The following TTC1 variants were observed in gnomAD, a reference collection of about 807,000 sequenced individuals.
TTC1 encodes tetratricopeptide repeat domain 1.
TTC1 carries 31 observed loss-of-function variants against 37.6 expected under a neutral mutation model. The ratio of observed to expected loss-of-function variants is 0.82; its 90% CI spans 0.62 to 1.11. The LOEUF (loss-of-function observed/expected upper bound fraction) is 1.11. Ranked by LOEUF, TTC1 falls within the 50% of genes most tolerant of loss-of-function variation. The pLI is 0.00. For missense variants in TTC1, 351 were observed against 339.0 expected (o/e 1.04, Z -0.28); for synonymous variants, 127 against 122.4 (o/e 1.04, Z -0.25).
At chr5:160,056,422 A>G (rs1158890125) in intron 7 of TTC1, among the ~76,000 whole-genome samples, 1 of 152,202 alleles carries the variant, frequency 6.6e-6, no homozygotes, top group Non-Finnish European at 1.5e-5. Flanking sequence ...TACCATCTGG[A>G]GCTTGGCATG....
chr5:160,052,214 T>G (rs957509765), intron 7 of TTC1, among the ~76,000 whole-genome samples: 28 of 152,220 alleles, frequency 1.8e-4, no homozygotes, highest in Admixed American at 6.5e-4. Flanking sequence ...ATTTACATAT[T>G]TAATTAAACT....
intron 5 of TTC1, among the ~76,000 whole-genome samples, chr5:160,043,542 G>A (rs190416658): frequency 2.6e-5 from 4 of 152,252 alleles, no homozygotes; most frequent in East Asian, 1.9e-4. Context: ...GTGGTGAGCC[G>A]TGATTATGCC....
At chr5:160,029,745 T>C (rs1276398066) in intron 2 of TTC1, among the ~76,000 whole-genome samples, 1 of 152,118 alleles carries the variant, frequency 6.6e-6, no homozygotes, top group African/African-American at 2.4e-5. Context: ...AAGTACAGAA[T>C]ACTACACCTG....
chr5:160,014,542 G>T (rs992756673), intron 2 of TTC1, among the ~76,000 whole-genome samples: 8 of 150,534 alleles, frequency 5.3e-5, no homozygotes, highest in Non-Finnish European at 8.9e-5. Flanking sequence ...TTTTTAAAAA[G>T]CCTTTAAAAA....
intron 3 of TTC1, among the ~76,000 whole-genome samples, chr5:160,035,502 T>G (rs1404461586): frequency 6.6e-6 from 1 of 152,236 alleles, no homozygotes; most frequent in Non-Finnish European, 1.5e-5. Flanking sequence ...ACCTGGAATA[T>G]TAAAGGTTAT....
chr5:160,036,686 C>T lies in TTC1; in HGVS notation c.392-5C>T. 2 of 1,596,350 alleles carry T rather than the reference C, an allele frequency of 1.3e-6. No homozygotes were observed. Among genetic ancestry groups the T allele is most frequent in the Non-Finnish European group, 1.7e-6 (2 of 1,164,066 alleles). ...ATGACCATTCATCCTTTCTCTTATCCTCAGATTATATAGAAGCTGAAAGTT... is the reference window on the plus strand; with the variant it reads ...ATGACCATTCATCCTTTCTCTTATCTTCAGATTATATAGAAGCTGAAAGTT... On this transcript the variant is annotated splice_region_variant and splice_polypyrimidine_tract_variant and intron_variant, in intron 3 of 7. Transcript: ENST00000231238.
At chr5:160,038,305 C>A (rs543277777) in intron 4 of TTC1, among the ~76,000 whole-genome samples, 1 of 152,316 alleles carries the variant, frequency 6.6e-6, no homozygotes, top group East Asian at 1.9e-4. Flanking sequence ...TTTACACTTA[C>A]CTGGAAAATT....
At chr5:160,056,511 T>C (rs1757551133) in intron 7 of TTC1, among the ~76,000 whole-genome samples, 1 of 152,042 alleles carries the variant, frequency 6.6e-6, no homozygotes, top group African/African-American at 2.4e-5. Flanking sequence ...AAGACTGCAG[T>C]TGAAGAGTTC....
At position 160,010,575 on chromosome 5, in the gene TTC1, A is replaced by G. The variant is rs1278793184; in HGVS notation, c.47A>G (p.Asn16Ser). The change falls in exon 2 of 8, where the codon AAT becomes AGT. Residue 16 changes from asparagine to serine, a missense_variant. Physicochemically the swap from Asn to Ser is conservative, Grantham distance 46. Coordinates refer to ENST00000231238, the MANE Select transcript of TTC1 (RefSeq NM_003314.3). ...ENCGVPEDLL[N>S]GLKVTDTQEA... ...TGTGGGGTTCCAGAGGATCTGTTAAATGGTTTGAAGGTTACAGATACTCAG... is the reference window on the plus strand; with the variant it reads ...TGTGGGGTTCCAGAGGATCTGTTAAGTGGTTTGAAGGTTACAGATACTCAG... 3.1e-6 allele frequency: 5 copies of G among 1,613,978 alleles called. No individual in the cohort carries two copies. Among genetic ancestry groups the G allele is most frequent in the Non-Finnish European group, 4.2e-6 (5 of 1,180,020 alleles).
chr5:160,047,256 A>C lies in TTC1; in HGVS notation c.542-2258A>C, dbSNP rs188606308. On this transcript the variant is annotated intron_variant, in intron 5 of 7. Coordinates refer to ENST00000231238, the MANE Select transcript of TTC1 (RefSeq NM_003314.3). ...CTCAGATTTAACGTGCCCAGCCCCC[A>C]CACACACACAAAACTTGCAGTTAGT... 6.6e-3 allele frequency among the ~76,000 whole-genome samples: 1,002 copies of C among 151,996 alleles called. 16 individuals carry two copies. The highest frequency in any genetic ancestry group is 0.022 in the African/African-American group (923 of 41,466).
chr5:160,049,472 C>A, intron 5 of TTC1, 42 bp from the exon 6 acceptor site: 1 of 1,514,482 alleles, frequency 6.6e-7, no homozygotes, highest in Admixed American at 2.2e-5. Context: ...ATATGTAGGC[C>A]ATTTTTCTTT....
chr5:160,040,858 C>T (rs1320046995), intron 4 of TTC1, among the ~76,000 whole-genome samples: 1 of 151,970 alleles, frequency 6.6e-6, no homozygotes, highest in Non-Finnish European at 1.5e-5. Context: ...GGTCCTCCTG[C>T]TTTAGCCTCC....
chr5:160,061,101 A>T (rs1753375302), intron 7 of TTC1, among the ~76,000 whole-genome samples: 1 of 152,236 alleles, frequency 6.6e-6, no homozygotes, highest in Non-Finnish European at 1.5e-5. Context: ...GGCTCAGGAC[A>T]GCCTGGCAGG....
At chr5:160,018,783 A>G (rs1271951541) in intron 2 of TTC1, among the ~76,000 whole-genome samples, 1 of 152,248 alleles carries the variant, frequency 6.6e-6, no homozygotes, top group Non-Finnish European at 1.5e-5. Flanking sequence ...GGACATGAAT[A>G]GAACATTTGA....
chr5:160,050,877 C>T (rs1325589716), intron 6 of TTC1, among the ~76,000 whole-genome samples: 3 of 151,974 alleles, frequency 2.0e-5, no homozygotes, highest in Non-Finnish European at 2.9e-5. Flanking sequence ...CCTCCCAACT[C>T]GGCCTCCAAA....
chr5:160,036,887 T>C, intron 4 of TTC1, 84 bp downstream of exon 4: 1 of 932,704 alleles, frequency 1.1e-6, no homozygotes, highest in East Asian at 2.5e-5. Context: ...GAAACTAGCA[T>C]AGAGGTTGCT....
intron 7 of TTC1, among the ~76,000 whole-genome samples, chr5:160,063,380 T>A (rs1404555746): frequency 1.3e-5 from 2 of 152,154 alleles, no homozygotes; most frequent in Non-Finnish European, 2.9e-5. Flanking sequence ...CACACCTAGC[T>A]AATTTTTAAA....
At chr5:160,015,604 G>A (rs1388952444) in intron 2 of TTC1, among the ~76,000 whole-genome samples, 2 of 152,176 alleles carry the variant, frequency 1.3e-5, no homozygotes, top group Admixed American at 6.5e-5. Context: ...TGGCAGCTCT[G>A]CACCCCTTCT....
At chr5:160,034,136 T>C (rs1351348622) in intron 2 of TTC1, among the ~76,000 whole-genome samples, 2 of 151,764 alleles carry the variant, frequency 1.3e-5, no homozygotes, top group Non-Finnish European at 2.9e-5. Context: ...CTTTTTTTTT[T>C]TTTTTTTTTT....
Sources: allele counts gnomAD v4.1 joint callset (sites outside exome capture counted in the v4.1 genomes callset), GRCh38; gene constraint gnomAD v4.1.1; transcripts MANE v1.5; gene names NCBI Gene and HGNC (gene_info 2026-07-23, HGNC 2026-07-21).